The following PLXNA2 variants were observed in gnomAD, a reference collection of about 807,000 sequenced individuals.
PLXNA2 encodes the protein plexin A2.
A neutral mutation model predicts 193.5 loss-of-function variants in PLXNA2; 91 were observed. The observed-to-expected ratio is 0.47, with a 90% CI of 0.40 to 0.56. PLXNA2 has a LOEUF of 0.56. PLXNA2 is among the 20% of genes least tolerant of loss of function. The pLI is 0.00. For synonymous variants in PLXNA2, 997 were observed against 1,027.3 expected, an observed-to-expected ratio of 0.97 and a Z score of 0.56; for missense variants, 1,995 against 2,503.2, an observed-to-expected ratio of 0.80 and a Z score of 4.33.
In PLXNA2 at chr1:208,042,081, AC is replaced by A; in HGVS notation, c.4286+16del. The A allele has an allele frequency of 6.2e-7, 1 of 1,610,844 alleles. No individual in the cohort carries two copies. Among genetic ancestry groups the A allele is most frequent in the East Asian group, 2.2e-5 (1 of 44,816 alleles). On this transcript the variant is annotated intron_variant, in intron 22 of 31. Transcript: ENST00000367033. ...CAGACTCCTGCCACCCTCTCCACCCACTGCTGCGGGCCAGACCTCCGGAGTA... is the reference window on the plus strand; with the variant it reads ...CAGACTCCTGCCACCCTCTCCACCCATGCTGCGGGCCAGACCTCCGGAGTA...
At chr1:208,238,296 C>T (rs148724429) in intron 1 of PLXNA2, among the ~76,000 whole-genome samples, 1 of 152,352 alleles carries the variant, frequency 6.6e-6, no homozygotes, top group East Asian at 1.9e-4. Context: ...AACTCTACTA[C>T]CTTTTATCTT....
At chr1:208,100,168 A>C (rs1003780758) in intron 5 of PLXNA2, among the ~76,000 whole-genome samples, 2 of 152,026 alleles carry the variant, frequency 1.3e-5, no homozygotes, top group African/African-American at 4.8e-5. Flanking sequence ...TGAGCCTATG[A>C]GTTCAAGACC....
chr1:208,167,459 G>C (rs768784894), intron 3 of PLXNA2, among the ~76,000 whole-genome samples: 4 of 152,216 alleles, frequency 2.6e-5, no homozygotes, highest in Admixed American at 6.5e-5. Context: ...CCTGCCCAGT[G>C]CTGGGATGCG....
intron 9 of PLXNA2, among the ~76,000 whole-genome samples, chr1:208,089,287 A>T (rs141607644): frequency 0.01 from 1,572 of 152,300 alleles, 14 homozygotes; most frequent in Non-Finnish European, 0.017. Flanking sequence ...CTCATGACCA[A>T]TAGCAAAGGA....
In PLXNA2 at chr1:208,210,407, C is replaced by T. The variant is rs192830917; in HGVS notation, c.1244G>A (p.Gly415Asp). Residue 415 changes from glycine (G) to aspartate (D), a missense_variant, in exon 3 of 32, where the codon GGC (glycine) becomes GAC (aspartate). Gly to Asp is a moderately conservative substitution (Grantham distance 94, BLOSUM62 -1). Around this residue, in one of 3 missense-constraint regions of PLXNA2, gnomAD observed 702 missense variants for 812.9 expected, o/e 0.86. Transcript: ENST00000367033. Reference protein sequence around the residue: ...CGLDINQPLGGSTPVEGLTLY... With the variant: ...CGLDINQPLGDSTPVEGLTLY... ...GGTCAGGCCCTCCACTGGAGTTGAGCCTCCCAGGGGCTGGTTGATGTCCAG... is the reference window on the plus strand; with the variant it reads ...GGTCAGGCCCTCCACTGGAGTTGAGTCTCCCAGGGGCTGGTTGATGTCCAG... The T allele has an allele frequency of 5.0e-6, 8 of 1,613,974 alleles. No homozygotes were observed. The highest frequency in any genetic ancestry group is 2.2e-5 in the East Asian group (1 of 44,856).
In PLXNA2 at chr1:208,081,949, G is replaced by A. The variant is rs146624385; in HGVS notation, c.2395+463C>T. On this transcript the variant is annotated intron_variant, in intron 11 of 31. Transcript: ENST00000367033. ...TCCCCTTCCTGAATTCTTTGCTCCC[G>A]ATGTGAGCTGGACTCTGCATGCTGC... Among the ~76,000 whole-genome samples, 1,107 of 152,214 alleles carry A rather than the reference G, an allele frequency of 7.3e-3. 8 individuals are homozygous for A. Among genetic ancestry groups the A allele is most frequent in the African/African-American group, 0.024 (988 of 41,526 alleles).
chr1:208,066,490 GA>G (rs1165760699), intron 12 of PLXNA2, among the ~76,000 whole-genome samples: 1 of 152,218 alleles, frequency 6.6e-6, no homozygotes, highest in African/African-American at 2.4e-5. Context: ...TAATGGAGCT[GA>G]AAAATTCCTA....
intron 29 of PLXNA2, 139 bp downstream of exon 29, chr1:208,031,451 G>A (rs1232342388): frequency 2.2e-6 from 1 of 447,876 alleles, no homozygotes; most frequent in African/African-American, 3.0e-5. Flanking sequence ...TATGTGCACT[G>A]TTTGTTCCAG....
chr1:208,191,451 G>A (rs1670178754), intron 3 of PLXNA2, among the ~76,000 whole-genome samples: 1 of 152,102 alleles, frequency 6.6e-6, no homozygotes, highest in African/African-American at 2.4e-5. Context: ...CTGAGGGGAG[G>A]GAGAGAGAAA....
At chr1:208,116,424 A>G (rs994461946) in intron 4 of PLXNA2, among the ~76,000 whole-genome samples, 2 of 152,242 alleles carry the variant, frequency 1.3e-5, no homozygotes, top group Non-Finnish European at 2.9e-5. Context: ...TACTTGCCCA[A>G]TGATCCAGGT....
chr1:208,084,266 G>A (rs774798706), intron 10 of PLXNA2, 114 bp downstream of exon 10: 15 of 1,111,326 alleles, frequency 1.3e-5, no homozygotes, highest in Non-Finnish European at 2.0e-5. Context: ...GGGGATGTGG[G>A]CTCAGCCTGT....
intron 8 of PLXNA2, among the ~76,000 whole-genome samples, chr1:208,094,057 A>G (rs1190281035): frequency 1.3e-5 from 2 of 152,186 alleles, no homozygotes; most frequent in African/African-American, 4.8e-5. Context: ...TCATCTTCCC[A>G]TTCAGAGCAT....
chr1:208,191,356 C>T (rs753422187), intron 3 of PLXNA2, among the ~76,000 whole-genome samples: 7 of 152,138 alleles, frequency 4.6e-5, no homozygotes, highest in Non-Finnish European at 8.8e-5. Context: ...TCTTTTAAAA[C>T]ATTTATTGAA....
rs189265067 is a variant in PLXNA2, at chr1:208,148,279, A to G, written c.1372-5816T>C. On this transcript the variant is annotated intron_variant, in intron 3 of 31. Transcript: ENST00000367033. ...GTAGTAGCAGTAGCAGTAATAGTAT[A>G]TATAGGTTTTCTGCAAGAGCTGTGG... Among the ~76,000 whole-genome samples, 432 of 146,282 alleles carry G rather than the reference A, an allele frequency of 3.0e-3. 3 individuals carry two copies. Among genetic ancestry groups the G allele is most frequent in the Non-Finnish European group, 3.5e-3 (231 of 66,934 alleles).
chr1:208,165,881 T>C (rs932109646), intron 3 of PLXNA2, among the ~76,000 whole-genome samples: 59 of 152,172 alleles, frequency 3.9e-4, no homozygotes, highest in African/African-American at 1.4e-3. Flanking sequence ...CAACTCCCAT[T>C]GGCAAGCTGA....
intron 9 of PLXNA2, among the ~76,000 whole-genome samples, chr1:208,090,378 G>A (rs1168270299): frequency 6.6e-6 from 1 of 152,116 alleles, no homozygotes; most frequent in East Asian, 1.9e-4. Context: ...TTGCCCCTAG[G>A]TCCCTTTTGG....
In PLXNA2 at chr1:208,171,489, T is replaced by A. The variant is rs966423982; in HGVS notation, c.1372-29026A>T. On this transcript the variant is annotated intron_variant, in intron 3 of 31. Coordinates refer to ENST00000367033, the MANE Select transcript of PLXNA2 (RefSeq NM_025179.4). Reference sequence around the variant, plus strand: ...GCAGTAGGAGTTTAAGAAACTTGCCTAAGTTACCTAACCTGCTCGCTAACC... The same window carrying A: ...GCAGTAGGAGTTTAAGAAACTTGCCAAAGTTACCTAACCTGCTCGCTAACC... Among the ~76,000 whole-genome samples the A allele has an allele frequency of 1.3e-5, 2 of 152,190 alleles. 1 individual carries two copies. Among genetic ancestry groups the A allele is most frequent in the South Asian group, 4.1e-4 (2 of 4,836 alleles).
chr1:208,121,787 C>A (rs950581673), intron 4 of PLXNA2, among the ~76,000 whole-genome samples: 1 of 152,156 alleles, frequency 6.6e-6, no homozygotes, highest in Non-Finnish European at 1.5e-5. Context: ...TACTCCATTA[C>A]TCCACAAACC....
chr1:208,045,234 A>T (rs763845249), intron 18 of PLXNA2, 24 bp from the exon 19 acceptor site: 11 of 1,610,184 alleles, frequency 6.8e-6, no homozygotes, highest in Non-Finnish European at 8.5e-6. Context: ...CAGTCTTTAT[A>T]GGCATAATTG....
Sources: allele counts gnomAD v4.1 joint callset (sites outside exome capture counted in the v4.1 genomes callset), GRCh38; gene constraint gnomAD v4.1.1; regional missense constraint gnomAD v4.1.1; transcripts MANE v1.5; gene names NCBI Gene and HGNC (gene_info 2026-07-23, HGNC 2026-07-21).